GPC6: variants seen among roughly 807,000 people sequenced by gnomAD.
GPC6 encodes the protein glypican 6, also known as glypican-6.
A neutral mutation model predicts 55.2 loss-of-function variants in GPC6; 14 were observed. That is an observed-to-expected ratio of 0.25 (90% CI 0.17 to 0.40). The LOEUF is 0.40. Among genes scored for constraint, GPC6 ranks in the 10% least tolerant of loss-of-function variants. The pLI is 1.00. For synonymous variants in GPC6, 278 were observed against 259.6 expected, an observed-to-expected ratio of 1.07 and a Z score of -0.68; for missense variants, 641 against 708.5, an observed-to-expected ratio of 0.90 and a Z score of 1.08.
intron 4 of GPC6, among the ~76,000 whole-genome samples, chr13:94,134,569 A>T (rs973515129): frequency 6.6e-6 from 1 of 152,234 alleles, no homozygotes; most frequent in African/African-American, 2.4e-5. Flanking sequence ...CACATTACTC[A>T]TAAATGAGGT....
intron 3 of GPC6, among the ~76,000 whole-genome samples, chr13:94,003,796 G>A (rs1359692539): frequency 2.0e-5 from 3 of 152,080 alleles, no homozygotes; most frequent in South Asian, 2.1e-4. Context: ...ACCCCTCAAT[G>A]TGACTCCAAA....
intron 3 of GPC6, among the ~76,000 whole-genome samples, chr13:93,861,654 T>C (rs1203591432): frequency 6.6e-6 from 1 of 151,648 alleles, no homozygotes; most frequent in African/African-American, 2.4e-5. Context: ...CTCTGCGCTG[T>C]CTTTTGATGA....
intron 8 of GPC6, among the ~76,000 whole-genome samples, chr13:94,402,756 T>C (rs1021852174): frequency 4.6e-5 from 7 of 152,150 alleles, no homozygotes; most frequent in African/African-American, 1.7e-4. Flanking sequence ...AAAGACCTTC[T>C]TCACAAGGTG....
At chr13:93,619,200 A>G (rs891090704) in intron 2 of GPC6, among the ~76,000 whole-genome samples, 5 of 152,138 alleles carry the variant, frequency 3.3e-5, no homozygotes, top group African/African-American at 1.2e-4. Flanking sequence ...TTGTTTCAGG[A>G]TAACATATAC....
At chr13:93,650,460 C>A (rs928195667) in intron 2 of GPC6, among the ~76,000 whole-genome samples, 1 of 149,402 alleles carries the variant, frequency 6.7e-6, no homozygotes, top group East Asian at 2.0e-4. Context: ...AATCATGCTC[C>A]CCAAAGGAAT....
At chr13:93,403,716 A>G (rs994316251) in intron 1 of GPC6, among the ~76,000 whole-genome samples, 5 of 152,076 alleles carry the variant, frequency 3.3e-5, no homozygotes, top group Admixed American at 6.6e-5. Context: ...TGGCTCGCTC[A>G]TGCCTCAGAT....
chr13:93,669,549 C>G (rs147569565), intron 2 of GPC6, among the ~76,000 whole-genome samples: 52 of 152,250 alleles, frequency 3.4e-4, no homozygotes, highest in African/African-American at 1.2e-3. Flanking sequence ...TTAAGGGATT[C>G]TAAGTGGGAC....
At chr13:93,425,749 A>G (rs1000693775) in intron 1 of GPC6, among the ~76,000 whole-genome samples, 73 of 152,288 alleles carry the variant, frequency 4.8e-4, no homozygotes, top group African/African-American at 1.7e-3. Context: ...TTCCTATGGC[A>G]TAAATTCCAA....
chr13:94,057,163 G>A (rs919784026), intron 4 of GPC6, among the ~76,000 whole-genome samples: 2 of 152,174 alleles, frequency 1.3e-5, no homozygotes, highest in South Asian at 2.1e-4. Context: ...GAAATTTAGA[G>A]GTTGATTATG....
Position 93,604,821 on chromosome 13 carries a change from T to G in GPC6, c.319+59400T>G, listed in dbSNP as rs1368572343. ...CTTAGCACAGTATCCACCTCGTAACTGGTAGACATAAATACTTAGTAAAAG... is the reference window on the plus strand; with the variant it reads ...CTTAGCACAGTATCCACCTCGTAACGGGTAGACATAAATACTTAGTAAAAG... On this transcript the variant is annotated intron_variant, in intron 2 of 8. Coordinates refer to ENST00000377047, the MANE Select transcript of GPC6 (RefSeq NM_005708.5). Among the ~76,000 whole-genome samples the G allele has an allele frequency of 3.8e-5, 5 of 133,190 alleles. No homozygotes were observed. The East Asian group carries it at 6.3e-4, about 17-fold the overall frequency. 87.4% of individuals were successfully genotyped at this position (133,190 alleles called of 152,430 possible). A position where few individuals can be genotyped will look rare whatever the true frequency, so the allele number is the denominator to read the frequency against.
At chr13:94,322,249 T>C (rs570846293) in intron 6 of GPC6, among the ~76,000 whole-genome samples, 1 of 152,350 alleles carries the variant, frequency 6.6e-6, no homozygotes, top group South Asian at 2.1e-4. Context: ...ATGTAAGACA[T>C]GTCTTTCACC....
chr13:94,211,003 G>A (rs982310752), intron 4 of GPC6, among the ~76,000 whole-genome samples: 3 of 152,144 alleles, frequency 2.0e-5, no homozygotes, highest in African/African-American at 7.2e-5. Context: ...CGTCTGTGTG[G>A]GAGTGTTGGT....
chr13:94,105,979 G>A lies in GPC6; in HGVS notation c.877+78085G>A, dbSNP rs1018950683. 7.6e-5 allele frequency among the ~76,000 whole-genome samples: 10 copies of A among 131,086 alleles called. No homozygotes were observed. In the Admixed American group the frequency reaches 7.8e-4, roughly 10 times the overall value. 86.0% of individuals were successfully genotyped at this position (131,086 alleles called of 152,430 possible). A position where few individuals can be genotyped will look rare whatever the true frequency, so the allele number is the denominator to read the frequency against. On this transcript the variant is annotated intron_variant, in intron 4 of 8. Transcript: ENST00000377047. ...TGGAAAGGGTAGCTCCCACGACCAA[G>A]AGTTATCCAGCTATCCTACATTGGA...
At chr13:93,704,881 A>G (rs1389983999) in intron 2 of GPC6, among the ~76,000 whole-genome samples, 2 of 151,970 alleles carry the variant, frequency 1.3e-5, no homozygotes, top group Non-Finnish European at 2.9e-5. Context: ...GCTGGATGGC[A>G]TGATCTGACT....
At chr13:94,110,165 T>C (rs1421933934) in intron 4 of GPC6, among the ~76,000 whole-genome samples, 1 of 151,758 alleles carries the variant, frequency 6.6e-6, no homozygotes, top group Non-Finnish European at 1.5e-5. Context: ...TTGTCTGTGA[T>C]TCAGAGTCCA....
intron 1 of GPC6, among the ~76,000 whole-genome samples, chr13:93,308,820 G>A (rs1420895195): frequency 6.6e-6 from 1 of 152,158 alleles, no homozygotes; most frequent in East Asian, 1.9e-4. Flanking sequence ...TTATGGCTAA[G>A]AAAATATTAG....
At chr13:93,464,874 A>G (rs1878848397) in intron 1 of GPC6, among the ~76,000 whole-genome samples, 2 of 152,226 alleles carry the variant, frequency 1.3e-5, no homozygotes, top group African/African-American at 4.8e-5. Context: ...CTTAAATAAT[A>G]AGACTTGAAA....
In GPC6 at chr13:94,382,514, A is replaced by G; in HGVS notation, c.1253A>G (p.Asn418Ser). The part of the protein sequence containing the change: ...KDESVTAGTS[N>S]EEECWNGHSK... Reference sequence around the variant, plus strand: ...GAGAGCGTGACAGCGGGCACGTCCAACGAGGAGGAATGCTGGAACGGGCAC... The same window carrying G: ...GAGAGCGTGACAGCGGGCACGTCCAGCGAGGAGGAATGCTGGAACGGGCAC... The change falls in exon 7 of 9, where the codon AAC (asparagine) becomes AGC (serine). Residue 418 changes from asparagine (N) to serine (S), a missense_variant. Asn to Ser is a conservative substitution (Grantham distance 46). Coordinates refer to ENST00000377047, the MANE Select transcript of GPC6 (RefSeq NM_005708.5). The G allele has an allele frequency of 6.2e-7, 1 of 1,614,198 alleles. No individual in the cohort carries two copies. The highest frequency in any genetic ancestry group is 8.5e-7 in the Non-Finnish European group (1 of 1,180,030).
intron 2 of GPC6, among the ~76,000 whole-genome samples, chr13:93,558,967 T>A (rs1875618256): frequency 6.6e-6 from 1 of 152,170 alleles, no homozygotes; most frequent in South Asian, 2.1e-4. Flanking sequence ...TATGAGAATT[T>A]TTATATGTGG....
Sources: gnomAD v4.1 joint callset for allele counts (sites outside exome capture counted in the v4.1 genomes callset) on GRCh38, gnomAD v4.1.1 for gene constraint, MANE v1.5 for transcripts, NCBI Gene and HGNC (gene_info 2026-07-23, HGNC 2026-07-21) for gene names.